Variants in PATJ observed in about 807,000 individuals in gnomAD.
PATJ encodes the protein inaD-like protein.
Under a neutral mutation model 224.9 loss-of-function variants are expected in PATJ, and 190 were observed. That is an observed-to-expected ratio of 0.84 (90% confidence interval 0.75 to 0.95). PATJ has a LOEUF of 0.95. Among genes scored for constraint, PATJ ranks in the 40% least tolerant of loss-of-function variants. The probability of loss-of-function intolerance (pLI) is 0.00; values close to 1 mark genes in which losing one functional copy is unlikely to be tolerated. For missense variants in PATJ, 2,121 were observed against 2,270.3 expected, an observed-to-expected ratio of 0.93 and a Z score of 1.34; for synonymous variants, 769 against 820.3, an observed-to-expected ratio of 0.94 and a Z score of 1.07.
chr1:62,149,002 C>T (rs1304785862), intron 42 of PATJ, among the ~76,000 whole-genome samples: 3 of 151,952 alleles, frequency 2.0e-5, no homozygotes, highest in Non-Finnish European at 4.4e-5. Context: ...GTAGCGGGCA[C>T]CTGTAATCCC....
At chr1:61,944,411 G>A (rs1447202369) in intron 27 of PATJ, among the ~76,000 whole-genome samples, 2 of 152,136 alleles carry the variant, frequency 1.3e-5, no homozygotes, top group South Asian at 2.1e-4. Context: ...ATCATGGCAC[G>A]AGAAGTACGT....
intron 43 of PATJ, among the ~76,000 whole-genome samples, chr1:62,159,486 C>T (rs1570882748): frequency 6.6e-6 from 1 of 152,108 alleles, no homozygotes; most frequent in East Asian, 1.9e-4. Flanking sequence ...GCCACCATGT[C>T]CAGCCAGTTG....
At chr1:62,038,093 G>C (rs768117314) in intron 30 of PATJ, 44 bp downstream of exon 30, 1 of 1,194,704 alleles carries the variant, frequency 8.4e-7, no homozygotes. Context: ...AGATGGATTT[G>C]TCATGAGCAT....
chr1:61,986,863 A>G (rs74783461), intron 27 of PATJ, among the ~76,000 whole-genome samples: 2 of 152,084 alleles, frequency 1.3e-5, no homozygotes, highest in Non-Finnish European at 1.5e-5. Flanking sequence ...TTCATTCATT[A>G]GTAGATGCCC....
chr1:62,006,537 A>G (rs1250798832), intron 28 of PATJ, among the ~76,000 whole-genome samples: 2 of 152,222 alleles, frequency 1.3e-5, no homozygotes, highest in Non-Finnish European at 2.9e-5. Context: ...AAAGATCTCT[A>G]AAGTGAAAGT....
At chr1:62,119,003 C>CAAA (rs35661742) in intron 37 of PATJ, among the ~76,000 whole-genome samples, 2 of 138,184 alleles carry the variant, frequency 1.4e-5, no homozygotes, top group African/African-American at 5.1e-5. Flanking sequence ...CATTAAATAT[C>CAAA]AAAAAAAAAA....
chr1:61,797,693 A>C (rs766429639), intron 11 of PATJ, among the ~76,000 whole-genome samples: 2 of 152,236 alleles, frequency 1.3e-5, no homozygotes, highest in Non-Finnish European at 2.9e-5. Flanking sequence ...TTTTTCTAAA[A>C]GCTTTCAAAT....
chr1:61,771,303 T>G (rs992230588), intron 5 of PATJ, 128 bp from the exon 6 acceptor site: 1 of 529,046 alleles, frequency 1.9e-6, no homozygotes, highest in South Asian at 3.7e-5. Flanking sequence ...GTTATATAAT[T>G]AAATAATTTA....
chr1:61,947,675 G>A (rs747406097), intron 27 of PATJ, among the ~76,000 whole-genome samples: 16 of 152,172 alleles, frequency 1.1e-4, no homozygotes, highest in Non-Finnish European at 2.2e-4. Context: ...ATCCCCATGA[G>A]GCTACCAATG....
At chr1:62,091,719 C>A (rs1018823725) in intron 33 of PATJ, among the ~76,000 whole-genome samples, 1 of 151,516 alleles carries the variant, frequency 6.6e-6, no homozygotes, top group Non-Finnish European at 1.5e-5. Context: ...GAGTTTGAGA[C>A]CAGCCTCGGC....
intron 30 of PATJ, among the ~76,000 whole-genome samples, chr1:62,045,444 G>A (rs1301138936): frequency 1.3e-5 from 2 of 152,158 alleles, no homozygotes; most frequent in Non-Finnish European, 1.5e-5. Context: ...AAGATTTTGG[G>A]AGAGCCCAGG....
At chr1:61,840,015 T>C (rs1660825357) in intron 17 of PATJ, among the ~76,000 whole-genome samples, 1 of 152,026 alleles carries the variant, frequency 6.6e-6, no homozygotes, top group African/African-American at 2.4e-5. Flanking sequence ...AGTGGAAATA[T>C]TTCTCCCTAT....
chr1:61,927,377 C>T (rs1675362856), intron 26 of PATJ, among the ~76,000 whole-genome samples: 1 of 152,102 alleles, frequency 6.6e-6, no homozygotes, highest in Non-Finnish European at 1.5e-5. Context: ...AAATGTCTTT[C>T]ATTTGAATTT....
At chr1:61,834,597 A>T (rs1659874622) in intron 17 of PATJ, among the ~76,000 whole-genome samples, 1 of 152,184 alleles carries the variant, frequency 6.6e-6, no homozygotes, top group Non-Finnish European at 1.5e-5. Flanking sequence ...CTGCCTTAAC[A>T]CATTGTGGTT....
At chr1:61,801,423 AATTG>A (rs1308167622) in intron 11 of PATJ, among the ~76,000 whole-genome samples, 196 bp from the exon 12 acceptor site, 5 of 152,066 alleles carry the variant, frequency 3.3e-5, no homozygotes, top group African/African-American at 9.7e-5. Context: ...TTTTTTAAGG[AATTG>A]ATTGGTTGTC....
At chr1:61,862,337 C>T (rs1304681585) in intron 19 of PATJ, among the ~76,000 whole-genome samples, 1 of 151,930 alleles carries the variant, frequency 6.6e-6, no homozygotes, top group African/African-American at 2.4e-5. Context: ...GCTGGGACTA[C>T]AGGCGTGCGC....
chr1:62,083,940 T>A (rs1659610884), intron 32 of PATJ, among the ~76,000 whole-genome samples: 1 of 152,162 alleles, frequency 6.6e-6, no homozygotes, highest in Non-Finnish European at 1.5e-5. Flanking sequence ...CATACAGATT[T>A]TCATGATGTA....
intron 27 of PATJ, among the ~76,000 whole-genome samples, chr1:61,974,475 G>A (rs1018693335): frequency 8.4e-5 from 11 of 130,658 alleles, no homozygotes; most frequent in South Asian, 2.5e-4. Context: ...GTGCAATGGC[G>A]CAATCTTGGC....
chr1:61,966,788 T>C (rs1225174691), intron 27 of PATJ, among the ~76,000 whole-genome samples: 1 of 152,178 alleles, frequency 6.6e-6, no homozygotes, highest in Non-Finnish European at 1.5e-5. Context: ...ATTTCTTGAT[T>C]ATATGCTAAA....
Sources: allele counts gnomAD v4.1 joint callset (sites outside exome capture counted in the v4.1 genomes callset), GRCh38; gene constraint gnomAD v4.1.1; transcripts MANE v1.5; gene names NCBI Gene and HGNC (gene_info 2026-07-23, HGNC 2026-07-21).